The following CCDC102B variants were observed in gnomAD, a reference collection of about 807,000 sequenced individuals.
CCDC102B encodes coiled-coil domain containing 102B, also known as coiled-coil domain-containing protein 102B.
CCDC102B carries 75 observed loss-of-function variants against 57.4 expected under a neutral mutation model. That is an observed-to-expected ratio of 1.31 (90% CI 1.08 to 1.58). The LOEUF (loss-of-function observed/expected upper bound fraction) is 1.58, where lower values mean the gene tolerates loss of function less well. Among genes scored for constraint, CCDC102B ranks in the 40% most tolerant of loss-of-function variants. The pLI is 0.00. For missense variants in CCDC102B, 636 were observed against 582.6 expected, an observed-to-expected ratio of 1.09 and a Z score of -0.94; for synonymous variants, 206 against 201.9, an observed-to-expected ratio of 1.02 and a Z score of -0.17.
At chr18:68,972,959 A>C (rs1328712287) in intron 6 of CCDC102B, among the ~76,000 whole-genome samples, 2 of 152,286 alleles carry the variant, frequency 1.3e-5, no homozygotes, top group East Asian at 3.9e-4. Flanking sequence ...TCATGAATTT[A>C]ATCATGGGAT....
intron 4 of CCDC102B, chr18:68,866,758 CG>C (rs2039003647): frequency 3.1e-6 from 2 of 637,712 alleles, no homozygotes; most frequent in Non-Finnish European, 6.0e-6. Flanking sequence ...TTTGAGTGCA[CG>C]GGTCTGTCTT....
intron 7 of CCDC102B, among the ~76,000 whole-genome samples, chr18:69,016,358 G>A (rs2051668452): frequency 1.3e-5 from 2 of 152,076 alleles, no homozygotes; most frequent in African/African-American, 4.8e-5. Context: ...TATCTAAGAG[G>A]CAATGAGTGC....
intron 7 of CCDC102B, among the ~76,000 whole-genome samples, chr18:69,036,370 C>G (rs532198257): frequency 1.3e-3 from 192 of 152,126 alleles, no homozygotes; most frequent in Non-Finnish European, 2.2e-3. Context: ...TACTTGAGAT[C>G]TAAATTTTTG....
chr18:68,791,342 A>G lies in CCDC102B; in HGVS notation c.-66-32024A>G, dbSNP rs566278622. 1.4e-4 allele frequency among the ~76,000 whole-genome samples: 21 copies of G among 152,312 alleles called. No individual in the cohort carries two copies. In the East Asian group the frequency reaches 3.7e-3, roughly 27 times the overall value. ...TTCCTGATCAGTAAAAGCACTTTTC[A>G]TCAGTATAGTGGATGTTGAGTTCTT... is the stretch of plus-strand genomic sequence containing the variant. On this transcript the variant is annotated intron_variant, in intron 2 of 3. Coordinates refer to the CCDC102B transcript ENST00000578970.
intron 6 of CCDC102B, among the ~76,000 whole-genome samples, chr18:68,966,442 C>A (rs970920167): frequency 6.6e-6 from 1 of 152,092 alleles, no homozygotes; most frequent in East Asian, 1.9e-4. Context: ...CTGTTTGAAT[C>A]AGGAGTTAGG....
At chr18:68,745,138 G>A (rs903811133) in intron 2 of CCDC102B, among the ~76,000 whole-genome samples, 2 of 152,142 alleles carry the variant, frequency 1.3e-5, no homozygotes, top group African/African-American at 4.8e-5. Flanking sequence ...GGCAGTGGAA[G>A]TGATGGACTT....
At chr18:69,025,207 A>G (rs2051951415) in intron 7 of CCDC102B, among the ~76,000 whole-genome samples, 2 of 152,312 alleles carry the variant, frequency 1.3e-5, no homozygotes, top group South Asian at 4.1e-4. Flanking sequence ...TAGTTATCAA[A>G]CTAATATATG....
intron 2 of CCDC102B, among the ~76,000 whole-genome samples, chr18:68,719,502 A>G (rs531891657): frequency 1.2e-3 from 179 of 152,274 alleles, no homozygotes; most frequent in African/African-American, 4.2e-3. Flanking sequence ...GGGCAAGGAA[A>G]AGATGGATGT....
intron 4 of CCDC102B, chr18:68,859,020 C>T (rs1056616711): frequency 2.0e-5 from 3 of 152,358 alleles, no homozygotes; most frequent in South Asian, 4.1e-4. Context: ...CACGCAAATT[C>T]GTGAAGCGTT....
At chr18:68,794,143 A>G (rs1039710295), upstream of CCDC102B, among the ~76,000 whole-genome samples, 1 of 152,132 alleles carries the variant, frequency 6.6e-6, no homozygotes, top group Non-Finnish European at 1.5e-5. Context: ...TTTTCCTCCC[A>G]TCACTGAAAT....
intron 6 of CCDC102B, among the ~76,000 whole-genome samples, chr18:68,911,720 C>T (rs1351114601): frequency 2.6e-5 from 3 of 115,354 alleles, no homozygotes; most frequent in African/African-American, 7.5e-5. Context: ...CCACTGCACT[C>T]CAGCCTGGGC....
At chr18:68,898,288 C>T (rs118169768) in intron 6 of CCDC102B, among the ~76,000 whole-genome samples, 366 of 152,186 alleles carry the variant, frequency 2.4e-3, no homozygotes, top group Admixed American at 4.6e-3. Context: ...TTCATACTCA[C>T]ATAAGCTCTA....
chr18:69,038,459 A>G (rs923244879), intron 7 of CCDC102B, among the ~76,000 whole-genome samples: 1 of 151,990 alleles, frequency 6.6e-6, no homozygotes, highest in Non-Finnish European at 1.5e-5. Context: ...GCCTTCCAAA[A>G]TGTGCTCCAA....
intron 7 of CCDC102B, among the ~76,000 whole-genome samples, chr18:69,019,288 T>A (rs939993838): frequency 6.6e-6 from 1 of 152,070 alleles, no homozygotes; most frequent in East Asian, 1.9e-4. Flanking sequence ...AATCTGCAGA[T>A]AGCTTTGGGC....
intron 6 of CCDC102B, among the ~76,000 whole-genome samples, chr18:68,922,687 C>T (rs549124672): frequency 6.9e-4 from 105 of 152,140 alleles, no homozygotes; most frequent in African/African-American, 2.2e-3. Flanking sequence ...TTAGTTGTTG[C>T]GGTTTCTTCT....
intron 6 of CCDC102B, among the ~76,000 whole-genome samples, chr18:68,943,434 C>A (rs930368927): frequency 6.6e-6 from 1 of 152,118 alleles, no homozygotes; most frequent in African/African-American, 2.4e-5. Flanking sequence ...AGGCTTTATA[C>A]TTTTTCTACA....
intron 6 of CCDC102B, among the ~76,000 whole-genome samples, chr18:68,956,034 T>G (rs2049836033): frequency 6.6e-6 from 1 of 151,866 alleles, no homozygotes; most frequent in African/African-American, 2.4e-5. Flanking sequence ...TTTAATTTTA[T>G]AGCTCCCATA....
intron 4 of CCDC102B, among the ~76,000 whole-genome samples, chr18:68,871,123 G>A (rs551241779): frequency 3.9e-5 from 6 of 152,148 alleles, no homozygotes; most frequent in South Asian, 2.1e-4. Flanking sequence ...TCATAAACAC[G>A]CAGTACAAAC....
At chr18:68,842,625 A>G (rs749165718) in intron 3 of CCDC102B, among the ~76,000 whole-genome samples, 12 of 152,172 alleles carry the variant, frequency 7.9e-5, no homozygotes, top group Non-Finnish European at 1.3e-4. Context: ...AGCGAGAAGC[A>G]GCAGCAATAA....
Sources: gnomAD v4.1 joint callset for allele counts (sites outside exome capture counted in the v4.1 genomes callset) on GRCh38, gnomAD v4.1.1 for gene constraint, MANE v1.5 for transcripts, NCBI Gene and HGNC (gene_info 2026-07-23, HGNC 2026-07-21) for gene names.